The following LRRC7 variants were observed in gnomAD, a reference collection of about 807,000 sequenced individuals.
LRRC7 encodes the protein leucine-rich repeat-containing protein 7.
A neutral mutation model predicts 175.7 loss-of-function variants in LRRC7; 23 were observed. The ratio of observed to expected loss-of-function variants is 0.13; its 90% CI spans 0.09 to 0.19. The LOEUF (loss-of-function observed/expected upper bound fraction) is 0.19, where lower values mean the gene tolerates loss of function less well. Ranked by LOEUF, LRRC7 falls within the 10% of genes least tolerant of loss-of-function variation. The probability of loss-of-function intolerance (pLI) is 1.00; values close to 1 mark genes in which losing one functional copy is unlikely to be tolerated. For missense variants in LRRC7, 1,354 were observed against 1,904.7 expected (o/e 0.71, Z 5.38); for synonymous variants, 685 against 680.9 (o/e 1.01, Z -0.09).
chr1:70,058,469 A>C (rs967961024), intron 23 of LRRC7, among the ~76,000 whole-genome samples: 24 of 152,210 alleles, frequency 1.6e-4, no homozygotes, highest in African/African-American at 5.5e-4. Context: ...TGCTGAAAAC[A>C]ACCATGGTTT....
chr1:69,846,110 A>G (rs6658642), intron 7 of LRRC7, among the ~76,000 whole-genome samples: 9,609 of 152,196 alleles, frequency 0.063, 358 homozygotes, highest in East Asian at 0.15. Context: ...TAAGTGGATA[A>G]TTATGACATT....
At chr1:69,824,801 C>T (rs1226000269) in intron 4 of LRRC7, among the ~76,000 whole-genome samples, 1 of 152,072 alleles carries the variant, frequency 6.6e-6, no homozygotes, top group Non-Finnish European at 1.5e-5. Context: ...CTGGGAAAGG[C>T]CAGTTCTTTT....
intron 1 of LRRC7, among the ~76,000 whole-genome samples, chr1:69,578,630 A>G (rs1165186138): frequency 6.6e-6 from 1 of 151,864 alleles, no homozygotes; most frequent in South Asian, 2.1e-4. Flanking sequence ...TAATGAGTTC[A>G]TGTCCTTTGT....
At chr1:69,771,885 C>T (rs1672281689) in intron 3 of LRRC7, among the ~76,000 whole-genome samples, 1 of 152,094 alleles carries the variant, frequency 6.6e-6, no homozygotes, top group Admixed American at 6.5e-5. Flanking sequence ...CTTTGGGATG[C>T]CGAGGATGGC....
chr1:70,048,651 A>G (rs568828286), intron 22 of LRRC7, among the ~76,000 whole-genome samples: 1 of 152,264 alleles, frequency 6.6e-6, no homozygotes, highest in African/African-American at 2.4e-5. Context: ...AGAATACACA[A>G]GTAGAATATA....
intron 10 of LRRC7, among the ~76,000 whole-genome samples, chr1:69,988,293 G>A (rs1367633537): frequency 6.6e-6 from 1 of 152,096 alleles, no homozygotes; most frequent in Admixed American, 6.5e-5. Flanking sequence ...CACTCACCCA[G>A]GCATGGTGGC....
chr1:69,853,881 G>C (rs1683293334), intron 7 of LRRC7, among the ~76,000 whole-genome samples: 1 of 151,988 alleles, frequency 6.6e-6, no homozygotes, highest in African/African-American at 2.4e-5. Flanking sequence ...ATTCAATATT[G>C]GTTCATAAGT....
At chr1:69,634,416 T>A (rs895775226) in intron 1 of LRRC7, among the ~76,000 whole-genome samples, 2 of 152,154 alleles carry the variant, frequency 1.3e-5, no homozygotes, top group Non-Finnish European at 2.9e-5. Flanking sequence ...CATTTTAAAA[T>A]GTTGCAGATA....
chr1:69,624,106 T>G (rs541976974), intron 1 of LRRC7, among the ~76,000 whole-genome samples: 23 of 152,248 alleles, frequency 1.5e-4, no homozygotes, highest in Middle Eastern at 6.8e-3. Flanking sequence ...TGACGCCAAA[T>G]TCTTTCCCAA....
intron 7 of LRRC7, among the ~76,000 whole-genome samples, chr1:69,886,797 T>C (rs936718982): frequency 2.0e-5 from 3 of 151,324 alleles, no homozygotes; most frequent in Non-Finnish European, 4.4e-5. Context: ...TCAGGAGCTC[T>C]TTTAGGGCAG....
chr1:69,655,237 T>G (rs1462339683), intron 1 of LRRC7, among the ~76,000 whole-genome samples: 2 of 141,202 alleles, frequency 1.4e-5, no homozygotes, highest in Admixed American at 7.2e-5. Context: ...TGGGTTACAT[T>G]CAAGTAACCA....
In LRRC7 at chr1:70,059,568, C is replaced by T. The variant is rs1341695074; in HGVS notation, c.4230+6423C>T. ...TCCTTTACCCCACCCCCACCCCAAC[C>T]CCAAATTGTCATTTTTGCTTTTTCT... On this transcript the variant is annotated intron_variant, in intron 23 of 26. Coordinates refer to ENST00000651989, the MANE Select transcript of LRRC7 (RefSeq NM_001370785.2). Among the ~76,000 whole-genome samples the T allele has an allele frequency of 2.0e-5, 3 of 150,686 alleles. No individual in the cohort carries two copies. In the East Asian group the frequency reaches 5.8e-4, roughly 29 times the overall value.
intron 2 of LRRC7, among the ~76,000 whole-genome samples, chr1:69,678,823 A>C (rs1660125030): frequency 6.6e-6 from 1 of 152,144 alleles, no homozygotes; most frequent in Non-Finnish European, 1.5e-5. Context: ...AAACTTTTGA[A>C]ATGTATCTAA....
At chr1:70,028,025 C>T (rs943548755) in intron 17 of LRRC7, 146 bp from the exon 18 acceptor site, 10 of 680,974 alleles carry the variant, frequency 1.5e-5, no homozygotes, top group Non-Finnish European at 2.0e-5. Context: ...GAACACTATG[C>T]GTCCTACTCT....
At chr1:69,987,291 A>G (rs571931851) in intron 10 of LRRC7, among the ~76,000 whole-genome samples, 2 of 152,046 alleles carry the variant, frequency 1.3e-5, no homozygotes, top group African/African-American at 4.8e-5. Flanking sequence ...ATAGTGAAAG[A>G]CTCATTTAAA....
At chr1:70,048,041 G>T (rs1173232068) in intron 22 of LRRC7, among the ~76,000 whole-genome samples, 1 of 151,630 alleles carries the variant, frequency 6.6e-6, no homozygotes, top group Non-Finnish European at 1.5e-5. Context: ...AGCATATAAG[G>T]CAACTTTCTA....
intron 1 of LRRC7, among the ~76,000 whole-genome samples, chr1:69,639,693 A>G (rs1021697549): frequency 6.6e-6 from 1 of 151,818 alleles, no homozygotes; most frequent in Non-Finnish European, 1.5e-5. Context: ...ATAAACTGGT[A>G]TCAAAGGAAG....
intron 8 of LRRC7, among the ~76,000 whole-genome samples, chr1:69,960,568 T>C (rs1177490841): frequency 6.6e-6 from 1 of 152,006 alleles, no homozygotes; most frequent in Non-Finnish European, 1.5e-5. Context: ...AGTTCTGATG[T>C]TGGGTTGTTA....
At chr1:69,696,283 G>C (rs1248178460) in intron 2 of LRRC7, among the ~76,000 whole-genome samples, 2 of 152,198 alleles carry the variant, frequency 1.3e-5, no homozygotes, top group Middle Eastern at 6.3e-3. Context: ...AGTCTGCCCT[G>C]CTGGGTTTCA....
Sources: allele counts gnomAD v4.1 joint callset (sites outside exome capture counted in the v4.1 genomes callset), GRCh38; gene constraint gnomAD v4.1.1; transcripts MANE v1.5; gene names NCBI Gene and HGNC (gene_info 2026-07-23, HGNC 2026-07-21).